GLIS3: variants seen among roughly 807,000 people sequenced by gnomAD.
GLIS3 encodes the protein zinc finger protein GLIS3.
GLIS3 carries 53 observed loss-of-function variants against 78.6 expected under a neutral mutation model. That is an observed-to-expected ratio of 0.67 (90% CI 0.54 to 0.85). The LOEUF (loss-of-function observed/expected upper bound fraction) is 0.85. Ranked by LOEUF, GLIS3 falls within the 40% of genes least tolerant of loss-of-function variation. The pLI, the probability that GLIS3 is intolerant of heterozygous loss-of-function variation, is 0.00. For missense variants in GLIS3, 1,703 were observed against 1,231.1 expected, an observed-to-expected ratio of 1.38 and a Z score of -5.74; for synonymous variants, 684 against 509.9, an observed-to-expected ratio of 1.34 and a Z score of -4.60.
At chr9:4,173,165 G>A (rs1018975920) in intron 2 of GLIS3, among the ~76,000 whole-genome samples, 4 of 152,082 alleles carry the variant, frequency 2.6e-5, no homozygotes, top group South Asian at 2.1e-4. Flanking sequence ...AGGGTGAGAG[G>A]TGGTGGTGTC....
intron 4 of GLIS3, among the ~76,000 whole-genome samples, chr9:4,045,322 C>A (rs1825152971): frequency 2.6e-5 from 4 of 151,730 alleles, no homozygotes; most frequent in Non-Finnish European, 5.9e-5. Context: ...GTGTTCTGAA[C>A]TTTTTGCTAT....
chr9:4,411,439 A>G, the GLIS3 span, among the ~76,000 whole-genome samples: 29 of 152,340 alleles, frequency 1.9e-4, no homozygotes, highest in African/African-American at 6.5e-4. Flanking sequence ...GTTCTTGTAC[A>G]TATTTTTTAG....
At chr9:4,355,798 A>G in the GLIS3 span, among the ~76,000 whole-genome samples, 51 of 152,184 alleles carry the variant, frequency 3.4e-4, no homozygotes, top group Non-Finnish European at 6.0e-4. Flanking sequence ...CACCTATACA[A>G]TGATGAAAGA....
intron 1 of GLIS3, among the ~76,000 whole-genome samples, chr9:4,288,077 C>T (rs1828150337): frequency 6.6e-6 from 1 of 152,132 alleles, no homozygotes; most frequent in Non-Finnish European, 1.5e-5. Context: ...CAGGAGTGAC[C>T]AGATAACCTC....
chr9:4,194,554 CA>C (rs1417764956), intron 2 of GLIS3, among the ~76,000 whole-genome samples: 5 of 152,188 alleles, frequency 3.3e-5, no homozygotes, highest in Non-Finnish European at 7.3e-5. Context: ...TTGGAAACAG[CA>C]AAAGAGTGCA....
chr9:4,314,737 G>C (rs1256026177), intron 2 of GLIS3, among the ~76,000 whole-genome samples: 1 of 152,240 alleles, frequency 6.6e-6, no homozygotes, highest in East Asian at 1.9e-4. Flanking sequence ...ACTGGGTTTA[G>C]ATTTCAGCTT....
intron 4 of GLIS3, among the ~76,000 whole-genome samples, chr9:4,080,066 C>T (rs888125434): frequency 6.6e-6 from 1 of 152,182 alleles, no homozygotes; most frequent in African/African-American, 2.4e-5. Flanking sequence ...AGTGTTTGTG[C>T]AGGAATCTGC....
At chr9:4,475,477 T>C in the GLIS3 span, among the ~76,000 whole-genome samples, 5 of 152,180 alleles carry the variant, frequency 3.3e-5, no homozygotes, top group African/African-American at 1.2e-4. Context: ...AACAGCAAAA[T>C]ACTGGAAACA....
chr9:4,349,480 T>C (rs140794456), upstream of GLIS3, among the ~76,000 whole-genome samples: 2,621 of 152,274 alleles, frequency 0.017, 35 homozygotes, highest in Middle Eastern at 0.044. Context: ...AGGATTTATA[T>C]TGATGAGTAG....
chr9:4,204,003 A>G (rs1819629892), intron 2 of GLIS3, among the ~76,000 whole-genome samples: 1 of 152,314 alleles, frequency 6.6e-6, no homozygotes, highest in South Asian at 2.1e-4. Context: ...TGTTGGGTAT[A>G]TGCTAGGTAC....
At chr9:3,890,536 G>A (rs1822360956) in intron 7 of GLIS3, among the ~76,000 whole-genome samples, 1 of 152,124 alleles carries the variant, frequency 6.6e-6, no homozygotes, top group Non-Finnish European at 1.5e-5. Context: ...ATGAGCATCT[G>A]CCAATTGCCG....
chr9:3,856,865 G>T (rs1228434832), intron 8 of GLIS3, among the ~76,000 whole-genome samples: 2 of 152,182 alleles, frequency 1.3e-5, no homozygotes. Flanking sequence ...AAGACTATTG[G>T]TGGTTTCTGG....
intron 3 of GLIS3, among the ~76,000 whole-genome samples, chr9:4,124,263 G>A (rs1832400502): frequency 6.6e-6 from 1 of 152,140 alleles, no homozygotes; most frequent in African/African-American, 2.4e-5. Flanking sequence ...GAATCGTTAA[G>A]GTGTTGTCTT....
chr9:4,006,659 G>A (rs937637393), intron 4 of GLIS3, among the ~76,000 whole-genome samples: 1 of 152,112 alleles, frequency 6.6e-6, no homozygotes, highest in Admixed American at 6.6e-5. Context: ...AAACACTGAG[G>A]TTTAGGGGTC....
the GLIS3 span, among the ~76,000 whole-genome samples, chr9:4,425,360 A>C: frequency 6.6e-6 from 1 of 152,166 alleles, no homozygotes; most frequent in Non-Finnish European, 1.5e-5. Context: ...AGCCTCTACC[A>C]CAGCTATTTC....
chr9:4,301,676 AT>A (rs145212774), upstream of GLIS3, among the ~76,000 whole-genome samples: 48 of 152,316 alleles, frequency 3.2e-4, no homozygotes, highest in African/African-American at 1.0e-3. Context: ...CTCAAATATC[AT>A]TTTAAATACA....
intron 4 of GLIS3, among the ~76,000 whole-genome samples, chr9:4,090,118 G>A (rs1829373392): frequency 6.6e-6 from 1 of 152,130 alleles, no homozygotes; most frequent in South Asian, 2.1e-4. Context: ...ACTTGTCCCA[G>A]AAGTGGATCC....
chr9:4,467,432 C>T, the GLIS3 span, among the ~76,000 whole-genome samples: 1 of 152,168 alleles, frequency 6.6e-6, no homozygotes, highest in Non-Finnish European at 1.5e-5. Flanking sequence ...GGAGATGAAG[C>T]TTCTAGAGGA....
In GLIS3 at chr9:3,828,246, G is replaced by C. The variant is rs773378711; in HGVS notation, c.*26C>G. The C allele has an allele frequency of 1.5e-5, 25 of 1,613,642 alleles. No homozygotes were observed. Among genetic ancestry groups the C allele is most frequent in the African/African-American group, 2.7e-5 (2 of 74,926 alleles). ...GTGGCAAGCAACATCAAGGTCCTGG[G>C]TGTGCAGGAGTGGCCAAGAGAGCTT... On this transcript the variant is annotated 3_prime_UTR_variant, in exon 11 of 11. Coordinates refer to ENST00000381971, the MANE Select transcript of GLIS3 (RefSeq NM_001042413.2).
Sources: allele counts gnomAD v4.1 joint callset (sites outside exome capture counted in the v4.1 genomes callset), GRCh38; gene constraint gnomAD v4.1.1; transcripts MANE v1.5; gene names NCBI Gene and HGNC (gene_info 2026-07-23, HGNC 2026-07-21).